Variants in CSMD1 observed in about 807,000 individuals in gnomAD.
CSMD1 encodes the protein CUB and sushi domain-containing protein 1.
In CSMD1, 213 loss-of-function variants were observed where a neutral mutation model predicts 417.5. That is an observed-to-expected ratio of 0.51 (90% CI 0.46 to 0.57). The LOEUF (loss-of-function observed/expected upper bound fraction) is 0.57. Among genes scored for constraint, CSMD1 ranks in the 20% least tolerant of loss-of-function variants. The pLI, the probability that CSMD1 is intolerant of heterozygous loss-of-function variation, is 0.00. For synonymous variants in CSMD1, 2,862 were observed against 1,736.8 expected (o/e 1.65, Z -16.11); for missense variants, 6,923 against 4,529.7 (o/e 1.53, Z -15.17).
intron 1 of CSMD1, among the ~76,000 whole-genome samples, chr8:4,984,994 T>C (rs117820140): frequency 2.0e-5 from 3 of 152,236 alleles, no homozygotes; most frequent in East Asian, 1.9e-4. Context: ...ATCCTCTTTG[T>C]TAAAAATGTG....
chr8:3,840,928 A>G (rs949281676), intron 5 of CSMD1, among the ~76,000 whole-genome samples: 4 of 152,010 alleles, frequency 2.6e-5, no homozygotes, highest in Non-Finnish European at 5.9e-5. Context: ...GCTGGTCTCG[A>G]ACTCCTGAAC....
chr8:4,606,052 G>A (rs1051825715), intron 2 of CSMD1, among the ~76,000 whole-genome samples: 1 of 152,164 alleles, frequency 6.6e-6, no homozygotes, highest in Non-Finnish European at 1.5e-5. Context: ...TTCTATTTTG[G>A]AAGCCTGAGA....
intron 5 of CSMD1, among the ~76,000 whole-genome samples, chr8:3,759,675 C>G (rs1199489263): frequency 6.6e-6 from 1 of 150,740 alleles, no homozygotes; most frequent in Non-Finnish European, 1.5e-5. Context: ...CAGCGGACCA[C>G]CTGAGGTCAG....
intron 3 of CSMD1, among the ~76,000 whole-genome samples, chr8:4,406,115 C>A (rs1463294633): frequency 6.6e-6 from 1 of 152,136 alleles, no homozygotes; most frequent in African/African-American, 2.4e-5. Context: ...CACAGCGGAA[C>A]CAAACAGCTG....
Position 3,996,776 on chromosome 8 carries a change from C to G in CSMD1, c.818+1127G>C, listed in dbSNP as rs147454421. ...CTCCTATTTGAAATAACATTTAAAA[C>G]AAGCACAATAAAATCAACCAGGAAA... On this transcript the variant is annotated intron_variant, in intron 5 of 69. Transcript: ENST00000635120. Among the ~76,000 whole-genome samples, 555 of 152,230 alleles carry G rather than the reference C, an allele frequency of 3.6e-3. 5 individuals carry two copies. The highest frequency in any genetic ancestry group is 0.012 in the African/African-American group (517 of 41,530).
intron 26 of CSMD1, among the ~76,000 whole-genome samples, chr8:3,239,837 A>G (rs1231620650): frequency 1.3e-5 from 2 of 152,130 alleles, no homozygotes; most frequent in East Asian, 1.9e-4. Context: ...TGGATCAGAG[A>G]GTTATAGTCA....
chr8:3,535,655 C>T (rs573821180), intron 10 of CSMD1, among the ~76,000 whole-genome samples: 158 of 152,304 alleles, frequency 1.0e-3, no homozygotes, highest in Non-Finnish European at 2.1e-3. Context: ...TCTGTCTTAA[C>T]CACTACAAAA....
chr8:3,283,030 T>C (rs1176204458), intron 26 of CSMD1, among the ~76,000 whole-genome samples: 2 of 152,146 alleles, frequency 1.3e-5, no homozygotes, highest in African/African-American at 4.8e-5. Flanking sequence ...CACTCCTTCC[T>C]CCTTCGGAAA....
chr8:4,599,882 G>GT (rs1030287958), intron 2 of CSMD1, among the ~76,000 whole-genome samples: 1 of 152,304 alleles, frequency 6.6e-6, no homozygotes, highest in South Asian at 2.1e-4. Flanking sequence ...CATTCAAAGA[G>GT]TTTTTTGTAA....
chr8:3,576,406 C>G (rs1395819863), intron 9 of CSMD1, among the ~76,000 whole-genome samples: 5 of 152,100 alleles, frequency 3.3e-5, no homozygotes, highest in African/African-American at 1.2e-4. Context: ...ACCTTAGGAA[C>G]TGTCCTCTTT....
In CSMD1 at chr8:4,489,245, G is replaced by A. The variant is rs1563226865; in HGVS notation, c.303-69180C>T. Among the ~76,000 whole-genome samples the A allele has an allele frequency of 2.6e-5, 4 of 152,244 alleles. No homozygotes were observed. The South Asian group carries it at 8.3e-4, about 32-fold the overall frequency. The stretch of plus-strand genomic sequence containing the variant: ...ACTTCTTACATATTTTCTACTTAAG[G>A]TGCCCTCCTTTTTCTAAGAATAAGC... On this transcript the variant is annotated intron_variant, in intron 2 of 69. Transcript: ENST00000635120.
chr8:3,423,366 A>G (rs553403477), intron 12 of CSMD1, among the ~76,000 whole-genome samples: 1 of 152,292 alleles, frequency 6.6e-6, no homozygotes, highest in East Asian at 1.9e-4. Context: ...GCAACCAGTG[A>G]TCTGATTTCT....
chr8:4,831,016 C>A (rs1416177210), intron 1 of CSMD1, among the ~76,000 whole-genome samples: 1 of 152,156 alleles, frequency 6.6e-6, no homozygotes, highest in African/African-American at 2.4e-5. Flanking sequence ...CTGCACAAAG[C>A]ACTTGGTGAA....
At chr8:3,596,302 A>G (rs1478532414) in intron 8 of CSMD1, among the ~76,000 whole-genome samples, 1 of 152,168 alleles carries the variant, frequency 6.6e-6, no homozygotes, top group East Asian at 1.9e-4. Context: ...TACTTCATGA[A>G]CATGCCCAGG....
chr8:3,678,085 A>T (rs1799471780), intron 7 of CSMD1, among the ~76,000 whole-genome samples: 1 of 152,178 alleles, frequency 6.6e-6, no homozygotes, highest in South Asian at 2.1e-4. Context: ...GAACAGCTCC[A>T]GTCTACAGCT....
chr8:4,234,540 C>T lies in CSMD1; in HGVS notation c.415+185413G>A, dbSNP rs532133899. ...GATATCACTCCTAAATGTTCCTATCCCATCTTTTGGCCGTTCCTTTAGTAC... is the reference window on the plus strand; with the variant it reads ...GATATCACTCCTAAATGTTCCTATCTCATCTTTTGGCCGTTCCTTTAGTAC... On this transcript the variant is annotated intron_variant, in intron 3 of 69. Transcript: ENST00000635120. Among the ~76,000 whole-genome samples the T allele has an allele frequency of 8.5e-5, 13 of 152,252 alleles. No homozygotes were observed. The South Asian group carries it at 1.7e-3, about 19-fold the overall frequency.
At chr8:4,307,983 C>T (rs558379875) in intron 3 of CSMD1, among the ~76,000 whole-genome samples, 6 of 152,230 alleles carry the variant, frequency 3.9e-5, no homozygotes, top group East Asian at 1.9e-4. Context: ...ATTACAGAGG[C>T]TCAAGGAGGC....
intron 2 of CSMD1, among the ~76,000 whole-genome samples, chr8:4,559,044 G>C (rs182573828): frequency 6.6e-6 from 1 of 152,020 alleles, no homozygotes; most frequent in African/African-American, 2.4e-5. Context: ...TCCCCCTTTG[G>C]AGCCCTCATC....
At chr8:4,761,877 A>ACC (rs1812105345) in intron 1 of CSMD1, among the ~76,000 whole-genome samples, 3 of 95,538 alleles carry the variant, frequency 3.1e-5, no homozygotes, top group Admixed American at 1.4e-4. Flanking sequence ...CTATCTATCT[A>ACC]TCTATCTATC....
Sources: allele counts gnomAD v4.1 joint callset (sites outside exome capture counted in the v4.1 genomes callset), GRCh38; gene constraint gnomAD v4.1.1; transcripts MANE v1.5; gene names NCBI Gene and HGNC (gene_info 2026-07-23, HGNC 2026-07-21).